The following NCKAP5 variants were observed in gnomAD, a reference collection of about 807,000 sequenced individuals.
NCKAP5 encodes NCK associated protein 5, also known as nck-associated protein 5.
In NCKAP5, 92 loss-of-function variants were observed where a neutral mutation model predicts 167.0. That is an observed-to-expected ratio of 0.55 (90% confidence interval 0.47 to 0.66). The LOEUF is 0.66. Ranked by LOEUF, NCKAP5 falls within the 30% of genes least tolerant of loss-of-function variation. NCKAP5 has a pLI of 0.00. For missense variants in NCKAP5, 2,378 were observed against 2,315.0 expected, an observed-to-expected ratio of 1.03 and a Z score of -0.56; for synonymous variants, 891 against 877.4, an observed-to-expected ratio of 1.02 and a Z score of -0.27.
At position 132,707,020 on chromosome 2, in the gene NCKAP5, A is replaced by G. The variant is rs114697329; in HGVS notation, c.5713+18607T>C. Among the ~76,000 whole-genome samples the G allele has an allele frequency of 1.6e-3, 244 of 152,338 alleles. 1 individual carries two copies. Among genetic ancestry groups the G allele is most frequent in the Non-Finnish European group, 2.6e-3 (180 of 68,028 alleles). ...TCCCCGCAGGAACACCGAATTGAAC[A>G]ATAATCCACACAAAAAGACATCTTT... On this transcript the variant is annotated intron_variant, in intron 19 of 19. Coordinates refer to ENST00000409261, the MANE Select transcript of NCKAP5 (RefSeq NM_207363.3).
At chr2:133,414,585 T>C (rs555018910) in intron 3 of NCKAP5, among the ~76,000 whole-genome samples, 2 of 152,246 alleles carry the variant, frequency 1.3e-5, no homozygotes, top group African/African-American at 4.8e-5. Context: ...TTTAGATACA[T>C]CTCTGTAGTT....
chr2:133,368,397 TTTTTA>T (rs1224486475), intron 3 of NCKAP5, among the ~76,000 whole-genome samples: 5 of 152,202 alleles, frequency 3.3e-5, no homozygotes, highest in Non-Finnish European at 7.3e-5. Context: ...CTGATTTTTA[TTTTTA>T]TTTTATTTTT....
At chr2:133,441,598 A>T (rs1365688359) in intron 3 of NCKAP5, among the ~76,000 whole-genome samples, 1 of 152,234 alleles carries the variant, frequency 6.6e-6, no homozygotes, top group African/African-American at 2.4e-5. Context: ...TCATTTAGAG[A>T]TTCCAAGGAA....
At chr2:133,451,811 T>C (rs538471294) in intron 3 of NCKAP5, among the ~76,000 whole-genome samples, 1 of 152,332 alleles carries the variant, frequency 6.6e-6, no homozygotes, top group East Asian at 1.9e-4. Flanking sequence ...GGCTTGCAAA[T>C]GTATACTTGA....
At chr2:133,344,597 T>A (rs1405798206) in intron 3 of NCKAP5, among the ~76,000 whole-genome samples, 1 of 151,900 alleles carries the variant, frequency 6.6e-6, no homozygotes, top group Admixed American at 6.6e-5. Flanking sequence ...GAAGTGCAAA[T>A]CGCTGGACGC....
chr2:133,480,061 A>C (rs1680288431), intron 3 of NCKAP5, among the ~76,000 whole-genome samples: 1 of 151,248 alleles, frequency 6.6e-6, no homozygotes, highest in Non-Finnish European at 1.5e-5. Context: ...CCTCCTGAGT[A>C]GCTGGGATTA....
intron 8 of NCKAP5, among the ~76,000 whole-genome samples, chr2:132,933,028 C>A: frequency 6.6e-6 from 1 of 151,510 alleles, no homozygotes; most frequent in African/African-American, 2.4e-5. Flanking sequence ...GGGTTCACGC[C>A]ATTCTCCTGC....
At chr2:132,858,256 C>T (rs989512016) in intron 11 of NCKAP5, among the ~76,000 whole-genome samples, 1 of 152,204 alleles carries the variant, frequency 6.6e-6, no homozygotes, top group East Asian at 1.9e-4. Flanking sequence ...CATCCTCAGA[C>T]ATACTGGGCT....
At chr2:133,334,917 GTC>G (rs1683112363) in intron 3 of NCKAP5, among the ~76,000 whole-genome samples, 1 of 152,112 alleles carries the variant, frequency 6.6e-6, no homozygotes, top group African/African-American at 2.4e-5. Flanking sequence ...GCTGAGCTGG[GTC>G]TCTACTGTGA....
At chr2:133,517,656 A>G in intron 2 of NCKAP5, 69 bp from the exon 3 acceptor site, 1 of 472,258 alleles carries the variant, frequency 2.1e-6, no homozygotes, top group East Asian at 3.4e-5. Flanking sequence ...TTAACTCTCT[A>G]ACCAGAAACA....
chr2:133,277,733 C>T (rs1574580508), intron 4 of NCKAP5, among the ~76,000 whole-genome samples: 1 of 152,072 alleles, frequency 6.6e-6, no homozygotes. Context: ...ATAAAGTATA[C>T]AGTAAATTTA....
intron 11 of NCKAP5, among the ~76,000 whole-genome samples, chr2:132,844,642 A>G (rs778180829): frequency 6.6e-6 from 1 of 152,188 alleles, no homozygotes; most frequent in African/African-American, 2.4e-5. Flanking sequence ...ATACTTTTAA[A>G]CTTCTAACTT....
At chr2:132,760,255 T>C (rs13011604) in intron 16 of NCKAP5, among the ~76,000 whole-genome samples, 21,384 of 152,134 alleles carry the variant, frequency 0.14, 1,609 homozygotes, top group East Asian at 0.18. Flanking sequence ...TGATGTAAAC[T>C]CTCTAGAAAT....
chr2:133,330,064 T>TC (rs1327979879), intron 3 of NCKAP5, among the ~76,000 whole-genome samples: 1 of 120,864 alleles, frequency 8.3e-6, no homozygotes, highest in Non-Finnish European at 1.7e-5. Context: ...TTTTTTTTTT[T>TC]TTTTTTTTTT....
At chr2:132,882,199 T>C (rs1232804271) in intron 8 of NCKAP5, among the ~76,000 whole-genome samples, 6 of 152,210 alleles carry the variant, frequency 3.9e-5, no homozygotes, top group Admixed American at 3.9e-4. Flanking sequence ...CTTCAATCCC[T>C]GAAATCAGGC....
chr2:133,581,793 G>T, the NCKAP5 span, among the ~76,000 whole-genome samples: 128,772 of 152,246 alleles, frequency 0.85, 54,826 homozygotes, highest in East Asian at 0.97. Context: ...GGAGCTGAAA[G>T]TTCACTTTTC....
At chr2:133,049,857 A>G (rs2149481917) in intron 6 of NCKAP5, among the ~76,000 whole-genome samples, 1 of 152,304 alleles carries the variant, frequency 6.6e-6, no homozygotes, top group Middle Eastern at 3.4e-3. Flanking sequence ...AACATCAACC[A>G]TGCCTAATTC....
chr2:133,468,291 G>A (rs1215771361), intron 3 of NCKAP5, among the ~76,000 whole-genome samples: 1 of 141,814 alleles, frequency 7.1e-6, no homozygotes, highest in Non-Finnish European at 1.5e-5. Context: ...TCAGGAGCAG[G>A]TTGTTCAGTT....
At chr2:133,187,446 T>A (rs1367083586) in intron 5 of NCKAP5, among the ~76,000 whole-genome samples, 1 of 152,080 alleles carries the variant, frequency 6.6e-6, no homozygotes, top group Non-Finnish European at 1.5e-5. Context: ...TCCCAGCTAC[T>A]TTGGAAGCTA....
Sources: allele counts gnomAD v4.1 joint callset (sites outside exome capture counted in the v4.1 genomes callset), GRCh38; gene constraint gnomAD v4.1.1; transcripts MANE v1.5; gene names NCBI Gene and HGNC (gene_info 2026-07-23, HGNC 2026-07-21).